Variants in NPAS3 observed in about 807,000 individuals in gnomAD.
NPAS3 encodes the protein neuronal PAS domain-containing protein 3.
A neutral mutation model predicts 73.1 loss-of-function variants in NPAS3; 14 were observed. The ratio of observed to expected loss-of-function variants is 0.19; its 90% CI spans 0.13 to 0.30. The LOEUF (loss-of-function observed/expected upper bound fraction) is 0.30. NPAS3 is among the 10% of genes least tolerant of loss of function. NPAS3 has a pLI of 1.00. For missense variants in NPAS3, 1,096 were observed against 1,250.0 expected, an observed-to-expected ratio of 0.88 and a Z score of 1.86; for synonymous variants, 620 against 541.5, an observed-to-expected ratio of 1.14 and a Z score of -2.01.
At chr14:33,731,611 T>A (rs1404589538) in intron 6 of NPAS3, among the ~76,000 whole-genome samples, 1 of 152,122 alleles carries the variant, frequency 6.6e-6, no homozygotes, top group Non-Finnish European at 1.5e-5. Context: ...TACCGCCTCC[T>A]GCCCCTACAT....
chr14:33,425,607 C>T (rs924589875), intron 4 of NPAS3, among the ~76,000 whole-genome samples: 11 of 150,180 alleles, frequency 7.3e-5, no homozygotes, highest in Non-Finnish European at 1.2e-4. Flanking sequence ...CACTAGCAAG[C>T]TTCTTCAGTT....
intron 4 of NPAS3, among the ~76,000 whole-genome samples, chr14:33,509,192 G>C (rs951241539): frequency 6.6e-6 from 1 of 151,614 alleles, no homozygotes; most frequent in Non-Finnish European, 1.5e-5. Context: ...TTGTGTTATC[G>C]CTTGGCAAAT....
rs80193695 is a variant in NPAS3, at chr14:33,124,415, A to G, written c.140+68421A>G. On this transcript the variant is annotated intron_variant, in intron 2 of 11. Transcript: ENST00000356141. Reference sequence around the variant, plus strand: ...TGACTGTCTTTAGTTAGCAAGTTACACCATCACTCTGTGTCTTTGTTTCCT... The same window carrying G: ...TGACTGTCTTTAGTTAGCAAGTTACGCCATCACTCTGTGTCTTTGTTTCCT... 0.025 allele frequency among the ~76,000 whole-genome samples: 3,795 copies of G among 152,226 alleles called. 321 individuals are homozygous for G. In the East Asian group the frequency reaches 0.33, roughly 13 times the overall value.
chr14:33,004,919 C>T (rs1455412877), intron 1 of NPAS3, among the ~76,000 whole-genome samples: 1 of 147,142 alleles, frequency 6.8e-6, no homozygotes, highest in East Asian at 2.1e-4. Context: ...TCACTAATAC[C>T]ACTGTCTTCC....
chr14:33,635,980 T>C (rs1411254366), intron 5 of NPAS3, among the ~76,000 whole-genome samples: 1 of 152,218 alleles, frequency 6.6e-6, no homozygotes, highest in Admixed American at 6.5e-5. Flanking sequence ...GTTTTGCTCT[T>C]GTTGCCCAGG....
chr14:33,358,822 G>A (rs776266758), intron 3 of NPAS3, among the ~76,000 whole-genome samples: 2 of 152,188 alleles, frequency 1.3e-5, no homozygotes, highest in Non-Finnish European at 2.9e-5. Context: ...GGAAATAGGA[G>A]CCTGGCTTAT....
chr14:33,138,476 T>C (rs1213466193), intron 2 of NPAS3, among the ~76,000 whole-genome samples: 2 of 152,086 alleles, frequency 1.3e-5, no homozygotes, highest in Admixed American at 6.5e-5. Flanking sequence ...AAAACATACT[T>C]GAAAAGATTC....
intron 1 of NPAS3, among the ~76,000 whole-genome samples, chr14:32,963,842 A>G (rs562483145): frequency 6.6e-6 from 1 of 152,256 alleles, no homozygotes; most frequent in African/African-American, 2.4e-5. Context: ...CATGGCATGA[A>G]TGATCCTGAT....
At chr14:33,787,457 T>A (rs1386036933) in intron 9 of NPAS3, among the ~76,000 whole-genome samples, 2 of 151,810 alleles carry the variant, frequency 1.3e-5, no homozygotes, top group Non-Finnish European at 2.9e-5. Flanking sequence ...GGCCTGTCAT[T>A]AGCGTATTAG....
chr14:33,439,456 A>G (rs2049138580), intron 4 of NPAS3, among the ~76,000 whole-genome samples: 1 of 152,212 alleles, frequency 6.6e-6, no homozygotes. Context: ...CACCATGGTC[A>G]TAGTGTGAGG....
chr14:33,151,095 A>G (rs1326898774), intron 2 of NPAS3, among the ~76,000 whole-genome samples: 1 of 152,246 alleles, frequency 6.6e-6, no homozygotes, highest in African/African-American at 2.4e-5. Flanking sequence ...CTCTGGGAGA[A>G]GAAAGAAGAA....
At chr14:33,670,738 C>T (rs534371008) in intron 5 of NPAS3, among the ~76,000 whole-genome samples, 1 of 152,012 alleles carries the variant, frequency 6.6e-6, no homozygotes, top group Non-Finnish European at 1.5e-5. Flanking sequence ...GATCTGAAGG[C>T]CTCACCTGGG....
chr14:33,579,478 A>T (rs947492635), intron 5 of NPAS3, among the ~76,000 whole-genome samples: 19 of 152,206 alleles, frequency 1.2e-4, no homozygotes, highest in African/African-American at 4.6e-4. Context: ...ATAATTATTC[A>T]GGCTCTCTAT....
rs115457213 is a variant in NPAS3 at position 33,332,592 on chromosome 14, T to C, written c.386-34594T>C. Among the ~76,000 whole-genome samples, 401 of 152,272 alleles carry C rather than the reference T, an allele frequency of 2.6e-3. 2 individuals carry two copies. The highest frequency in any genetic ancestry group is 9.2e-3 in the African/African-American group (384 of 41,542). ...TCCAACGTAGATTAACCATGTCACG[T>C]CCCCTTAACCACAGGCGTATGAATC... On this transcript the variant is annotated intron_variant, in intron 3 of 11. Transcript: ENST00000356141.
chr14:33,723,264 C>T (rs1163734421), intron 6 of NPAS3, among the ~76,000 whole-genome samples: 1 of 152,122 alleles, frequency 6.6e-6, no homozygotes, highest in Non-Finnish European at 1.5e-5. Flanking sequence ...CCCTGTTAAG[C>T]ATAAGACTGC....
At chr14:33,428,838 AT>A (rs2048662279) in intron 4 of NPAS3, among the ~76,000 whole-genome samples, 1 of 152,180 alleles carries the variant, frequency 6.6e-6, no homozygotes, top group South Asian at 2.1e-4. Flanking sequence ...TGGTTTCCGT[AT>A]TTTAAATAAT....
intron 4 of NPAS3, among the ~76,000 whole-genome samples, chr14:33,367,931 T>G (rs968670261): frequency 6.6e-6 from 1 of 152,142 alleles, no homozygotes; most frequent in African/African-American, 2.4e-5. Context: ...CAAAACTTTT[T>G]TTTACTAAGA....
intron 4 of NPAS3, among the ~76,000 whole-genome samples, chr14:33,444,991 C>T (rs2049420530): frequency 6.6e-6 from 1 of 152,256 alleles, no homozygotes; most frequent in African/African-American, 2.4e-5. Flanking sequence ...CTCACAGCAA[C>T]TTAAGTATTT....
chr14:33,454,438 G>T (rs1302733376), intron 4 of NPAS3, among the ~76,000 whole-genome samples: 1 of 152,036 alleles, frequency 6.6e-6, no homozygotes, highest in Non-Finnish European at 1.5e-5. Flanking sequence ...CACCTTTAAG[G>T]CCCCACCCAC....
Sources: allele counts gnomAD v4.1 joint callset (sites outside exome capture counted in the v4.1 genomes callset), GRCh38; gene constraint gnomAD v4.1.1; transcripts MANE v1.5; gene names NCBI Gene and HGNC (gene_info 2026-07-23, HGNC 2026-07-21).